SYMPK: variants seen among roughly 807,000 people sequenced by gnomAD.
The protein encoded by SYMPK is symplekin scaffold protein.
In SYMPK, 49 loss-of-function variants were observed where a neutral mutation model predicts 136.4. That is an observed-to-expected ratio of 0.36 (90% confidence interval 0.29 to 0.46). The LOEUF (loss-of-function observed/expected upper bound fraction) is 0.46. Among genes scored for constraint, SYMPK ranks in the 20% least tolerant of loss-of-function variants. The pLI, the probability that SYMPK is intolerant of heterozygous loss-of-function variation, is 1.00. For missense variants in SYMPK, 1,365 were observed against 1,690.0 expected, an observed-to-expected ratio of 0.81 and a Z score of 3.37; for synonymous variants, 766 against 713.0, an observed-to-expected ratio of 1.07 and a Z score of -1.19.
rs755199392 is a variant in SYMPK at position 45,842,332 on chromosome 19, G to T, written c.1005C>A (p.Ile335=). 1 of 1,614,218 alleles carries T rather than the reference G, an allele frequency of 6.2e-7. No individual in the cohort carries two copies. The highest frequency in any genetic ancestry group is 8.5e-7 in the Non-Finnish European group (1 of 1,180,042). The stretch of plus-strand genomic sequence containing the variant: ...CCTTGCTGCTCGGCATGTTGCGGGC[G>T]ATCTCGGCCTGAGGTGTGCCCAGGT... ...LVDLGTPQAE[I]ARNMPSSKDT... Residue 335 remains isoleucine (I), a synonymous_variant, in exon 9 of 27, where the codon ATC becomes ATA. Coordinates refer to ENST00000245934, the MANE Select transcript of SYMPK (RefSeq NM_004819.3).
chr19:45,822,134 T>C (rs1224292982), intron 21 of SYMPK, among the ~76,000 whole-genome samples: 4 of 82,756 alleles, frequency 4.8e-5, no homozygotes, highest in Non-Finnish European at 7.7e-5. Context: ...TTTTTTTTTT[T>C]TTGAGATGGA....
intron 7 of SYMPK, 88 bp from the exon 8 acceptor site, chr19:45,844,288 G>A: frequency 9.2e-7 from 1 of 1,081,818 alleles, no homozygotes; most frequent in Non-Finnish European, 1.3e-6. Context: ...AGGAAGGACA[G>A]ATCCTGGTAC....
chr19:45,859,079 C>T (rs969252636), intron 1 of SYMPK, among the ~76,000 whole-genome samples: 1 of 152,068 alleles, frequency 6.6e-6, no homozygotes, highest in Non-Finnish European at 1.5e-5. Context: ...CGGCCTAGAA[C>T]AGGGATTTTG....
In SYMPK at chr19:45,815,487, A is replaced by T; in HGVS notation, c.*73T>A. 1 of 1,221,348 alleles carries T rather than the reference A, an allele frequency of 8.2e-7. No homozygotes were observed. The highest frequency in any genetic ancestry group is 1.1e-6 in the Non-Finnish European group (1 of 902,816). The allele number at this position is 1,221,348 out of a possible 1,614,324, so 75.7% of individuals were successfully genotyped here. ...CTTTTATTTCTTTTTAAGGCAAAGCACCCGCAGGTCAAGCCCCGCCCCGTC... is the reference window on the plus strand; with the variant it reads ...CTTTTATTTCTTTTTAAGGCAAAGCTCCCGCAGGTCAAGCCCCGCCCCGTC... On this transcript the variant is annotated 3_prime_UTR_variant, in exon 27 of 27. Coordinates refer to ENST00000245934, the MANE Select transcript of SYMPK (RefSeq NM_004819.3).
At chr19:45,862,253 G>A (rs1275631411) in intron 1 of SYMPK, among the ~76,000 whole-genome samples, 1 of 152,050 alleles carries the variant, frequency 6.6e-6, no homozygotes, top group Admixed American at 6.6e-5. Flanking sequence ...TTTGGGATGC[G>A]TGTAGCCTTT....
chr19:45,838,783 T>A (rs1971367563), intron 9 of SYMPK, among the ~76,000 whole-genome samples, 168 bp from the exon 10 acceptor site: 1 of 152,222 alleles, frequency 6.6e-6, no homozygotes, highest in African/African-American at 2.4e-5. Context: ...AACCACTTTA[T>A]GACCCTGGGC....
chr19:45,859,557 G>A (rs1044390979), intron 1 of SYMPK, among the ~76,000 whole-genome samples: 5 of 152,028 alleles, frequency 3.3e-5, no homozygotes, highest in African/African-American at 7.2e-5. Context: ...CCGAGATTGC[G>A]CCACTGCACT....
At chr19:45,848,110 A>C in intron 6 of SYMPK, 109 bp from the exon 7 acceptor site, 2 of 1,342,006 alleles carry the variant, frequency 1.5e-6, no homozygotes, top group Non-Finnish European at 2.0e-6. Context: ...TGATGAATAC[A>C]TTCATTTGGT....
chr19:45,856,647 T>A (rs542779298), intron 1 of SYMPK, among the ~76,000 whole-genome samples: 1 of 152,092 alleles, frequency 6.6e-6, no homozygotes, highest in African/African-American at 2.4e-5. Context: ...GGCTACTGCA[T>A]AAACTGCTAA....
intron 5 of SYMPK, among the ~76,000 whole-genome samples, chr19:45,849,378 G>A (rs940198552): frequency 6.6e-6 from 1 of 152,110 alleles, no homozygotes; most frequent in African/African-American, 2.4e-5. Context: ...TCAAAAAGTA[G>A]GGACCCTTTC....
At chr19:45,852,651 T>C in intron 3 of SYMPK, 116 bp from the exon 4 acceptor site, 1 of 1,251,594 alleles carries the variant, frequency 8.0e-7, no homozygotes, top group Non-Finnish European at 1.2e-6. Flanking sequence ...GATACACTCA[T>C]TTCAATGCCT....
intron 11 of SYMPK, among the ~76,000 whole-genome samples, 167 bp from the exon 12 acceptor site, chr19:45,831,755 A>G (rs920984006): frequency 1.3e-5 from 2 of 152,164 alleles, no homozygotes; most frequent in African/African-American, 4.8e-5. Context: ...CCACTTTTCA[A>G]TACAACTGAG....
chr19:45,851,990 G>A (rs1371328934), intron 5 of SYMPK, among the ~76,000 whole-genome samples: 3 of 152,258 alleles, frequency 2.0e-5, no homozygotes, highest in Non-Finnish European at 2.9e-5. Context: ...AAGTCATCAG[G>A]TAGGAGGAAA....
In SYMPK at chr19:45,838,276, C is replaced by T. The variant is rs528981287; in HGVS notation, c.1242+185G>A. On this transcript the variant is annotated intron_variant, in intron 10 of 26. Transcript: ENST00000245934. The stretch of plus-strand genomic sequence containing the variant: ...AAGCTTCCTGAGGTTTCCCCAGAAG[C>T]TAAGCAGATGCCAGCACCACGCTTC... 5.9e-5 allele frequency among the ~76,000 whole-genome samples: 9 copies of T among 152,172 alleles called. No individual in the cohort carries two copies. In the East Asian group the frequency reaches 1.7e-3, roughly 29 times the overall value.
chr19:45,847,930 C>T lies in SYMPK; in HGVS notation c.498G>A (p.Gly166=), dbSNP rs1568623177. 1 of 1,612,646 alleles carries T rather than the reference C, an allele frequency of 6.2e-7. No individual in the cohort carries two copies. Among genetic ancestry groups the T allele is most frequent in the Non-Finnish European group, 8.5e-7 (1 of 1,179,080 alleles). ...CAGAGTCCAATAGCAGGATGATGTCCCCCGCCATGGCAGATACCATGTCCC... is the reference window on the plus strand; with the variant it reads ...CAGAGTCCAATAGCAGGATGATGTCTCCCGCCATGGCAGATACCATGTCCC... ...ACWDMVSAMA[G]DIILLLDSDN... The change falls in exon 7 of 27, where the codon GGG becomes GGA. Residue 166 remains glycine (G), a synonymous_variant. Coordinates refer to ENST00000245934, the MANE Select transcript of SYMPK (RefSeq NM_004819.3).
intron 22 of SYMPK, chr19:45,819,257 T>C (rs1389925124): frequency 6.6e-6 from 1 of 152,236 alleles, no homozygotes; most frequent in Non-Finnish European, 1.5e-5. Context: ...AAGGGTGTTT[T>C]GGAAAGCTCA....
In SYMPK at chr19:45,857,439, C is replaced by A. The variant is rs1221334954; in HGVS notation, c.-12-2932G>T. On this transcript the variant is annotated intron_variant, in intron 1 of 26. Transcript: ENST00000245934. Reference sequence around the variant, plus strand: ...AAAAAAAAAAAAAAAAAAAAACACACACTAAACAAACAAACATGCCAAAAA... The same window carrying A: ...AAAAAAAAAAAAAAAAAAAAACACAAACTAAACAAACAAACATGCCAAAAA... Among the ~76,000 whole-genome samples, 7 of 142,154 alleles carry A rather than the reference C, an allele frequency of 4.9e-5. No homozygotes were observed. The East Asian group carries it at 6.2e-4, about 13-fold the overall frequency. The allele number at this position is 142,154 out of a possible 152,430, so 93.3% of individuals were successfully genotyped here. A position where few individuals can be genotyped will look rare whatever the true frequency, so the allele number is the denominator to read the frequency against.
At chr19:45,816,741 C>T in intron 24 of SYMPK, 57 bp downstream of exon 24, 1 of 1,473,264 alleles carries the variant, frequency 6.8e-7, no homozygotes, top group Non-Finnish European at 9.0e-7. Context: ...ACCCAGGGGG[C>T]CGCCCACCGC....
chr19:45,844,127 G>A lies in SYMPK; in HGVS notation c.750C>T (p.Ser250=). 1 of 1,612,860 alleles carries A rather than the reference G, an allele frequency of 6.2e-7. No homozygotes were observed. The highest frequency in any genetic ancestry group is 2.2e-5 in the East Asian group (1 of 44,804). The change falls in exon 8 of 27, where the codon TCC becomes TCT. Residue 250 remains serine, a synonymous_variant. Coordinates refer to ENST00000245934, the MANE Select transcript of SYMPK (RefSeq NM_004819.3). ...LKFMVHPAIS[S]INLTTALGSL... ...AGCCCAGCGCTGTGGTCAGGTTGAT[G>A]GAGGAGATGGCAGGGTGCACCATGA...
Sources: allele counts gnomAD v4.1 joint callset (sites outside exome capture counted in the v4.1 genomes callset), GRCh38; gene constraint gnomAD v4.1.1; transcripts MANE v1.5; gene names NCBI Gene and HGNC (gene_info 2026-07-23, HGNC 2026-07-21).